The following ARHGEF4 variants were observed in gnomAD, a reference collection of about 807,000 sequenced individuals.
ARHGEF4 encodes Rho guanine nucleotide exchange factor 4, also known as APC-stimulated guanine nucleotide exchange factor 1.
A neutral mutation model predicts 162.0 loss-of-function variants in ARHGEF4; 119 were observed. The ratio of observed to expected loss-of-function variants is 0.73; its 90% CI spans 0.63 to 0.86. The LOEUF (loss-of-function observed/expected upper bound fraction) is 0.86. Ranked by LOEUF, ARHGEF4 falls within the 40% of genes least tolerant of loss-of-function variation. The pLI, the probability that ARHGEF4 is intolerant of heterozygous loss-of-function variation, is 0.00. For missense variants in ARHGEF4, 2,488 were observed against 2,456.0 expected (o/e 1.01, Z -0.28); for synonymous variants, 1,014 against 979.9 (o/e 1.03, Z -0.65).
intron 1 of ARHGEF4, among the ~76,000 whole-genome samples, chr2:130,851,514 C>G (rs980019879): frequency 1.3e-5 from 2 of 152,242 alleles, no homozygotes; most frequent in Non-Finnish European, 2.9e-5. Context: ...GCCTGCCCTT[C>G]GCCCACCGTG....
intron 4 of ARHGEF4, among the ~76,000 whole-genome samples, chr2:130,979,753 A>AAC (rs1162248930): frequency 1.3e-5 from 2 of 150,164 alleles, no homozygotes; most frequent in African/African-American, 2.5e-5. Context: ...AAAAAAAAAA[A>AAC]AAACCTGAAA....
chr2:130,987,759 C>G (rs1360607206), intron 4 of ARHGEF4, among the ~76,000 whole-genome samples: 11 of 152,176 alleles, frequency 7.2e-5, no homozygotes, highest in Admixed American at 7.2e-4. Flanking sequence ...TGAGCTAGGC[C>G]AAGGCCAGGG....
At chr2:130,846,832 T>G (rs272107) in intron 1 of ARHGEF4, among the ~76,000 whole-genome samples, 23,929 of 151,650 alleles carry the variant, frequency 0.16, 2,523 homozygotes, top group African/African-American at 0.29. Context: ...GTCCGGAGAG[T>G]CTTGTTCTTC....
At chr2:130,848,179 G>A (rs1353074553) in intron 1 of ARHGEF4, among the ~76,000 whole-genome samples, 2 of 152,166 alleles carry the variant, frequency 1.3e-5, no homozygotes, top group East Asian at 1.9e-4. Context: ...GAGGCTTCCC[G>A]ACCTCAGAGG....
intron 4 of ARHGEF4, among the ~76,000 whole-genome samples, chr2:130,994,709 T>G (rs1355626650): frequency 6.6e-6 from 1 of 152,242 alleles, no homozygotes; most frequent in East Asian, 1.9e-4. Context: ...CCTAGTGTTT[T>G]CCTTAAGGAG....
At chr2:130,971,399 G>C (rs1471652224) in intron 4 of ARHGEF4, among the ~76,000 whole-genome samples, 16 of 152,086 alleles carry the variant, frequency 1.1e-4, no homozygotes, top group Non-Finnish European at 1.5e-5. Context: ...AGTGGCTCAC[G>C]CCTGTAATCC....
rs1017816063 is a variant in ARHGEF4, at chr2:130,891,088, G to A, written c.40-22898G>A. ...CCACAGCACACAATGTAGACAAGAGGCAGACTCATTGATTGTGGAACAGGA... is the reference window on the plus strand; with the variant it reads ...CCACAGCACACAATGTAGACAAGAGACAGACTCATTGATTGTGGAACAGGA... On this transcript the variant is annotated intron_variant, in intron 1 of 13. Coordinates refer to ENST00000409359, the MANE Select transcript of ARHGEF4 (RefSeq NM_001367493.1). 5.3e-5 allele frequency among the ~76,000 whole-genome samples: 8 copies of A among 152,280 alleles called. No individual in the cohort carries two copies. The South Asian group carries it at 1.0e-3, about 20-fold the overall frequency.
Position 130,899,807 on chromosome 2 carries a change from G to GGGAGA in ARHGEF4, c.40-14178_40-14174dup, listed in dbSNP as rs1680385061. ...GGGGTGGGAGGGCGATGGGTTACAA[G>GGGAGA]GGAGACCCAAGGGCTTGGCTTGGAT... is the stretch of plus-strand genomic sequence containing the variant. On this transcript the variant is annotated intron_variant, in intron 1 of 13. Transcript: ENST00000409359. Among the ~76,000 whole-genome samples, 10 of 152,318 alleles carry GGGAGA rather than the reference G, an allele frequency of 6.6e-5. No individual in the cohort carries two copies. In the South Asian group the frequency reaches 2.1e-3, roughly 32 times the overall value.
At chr2:131,007,124 T>A (rs1688166381) in intron 4 of ARHGEF4, among the ~76,000 whole-genome samples, 1 of 152,208 alleles carries the variant, frequency 6.6e-6, no homozygotes, top group Admixed American at 6.5e-5. Context: ...TGCTGTGACA[T>A]TAATTTATGG....
chr2:130,841,202 T>TC lies in ARHGEF4; in HGVS notation c.39+4210_39+4211insC, dbSNP rs1391153910. On this transcript the variant is annotated intron_variant, in intron 1 of 13. Coordinates refer to ENST00000409359, the MANE Select transcript of ARHGEF4 (RefSeq NM_001367493.1). ...ACCTCAGCCTCCCAACTAGGTGGGA[T>TC]TACAGGCACGCACCACCATGCCTGA... Among the ~76,000 whole-genome samples, 506 of 152,042 alleles carry TC rather than the reference T, an allele frequency of 3.3e-3. 4 individuals carry two copies. The highest frequency in any genetic ancestry group is 0.012 in the African/African-American group (488 of 41,470).
At chr2:130,842,461 C>T (rs1353108017) in intron 1 of ARHGEF4, among the ~76,000 whole-genome samples, 2 of 152,156 alleles carry the variant, frequency 1.3e-5, no homozygotes, top group African/African-American at 4.8e-5. Flanking sequence ...GGTAGAGAGG[C>T]CCTGTGAGGA....
At chr2:130,847,139 C>G (rs1473464494) in intron 1 of ARHGEF4, among the ~76,000 whole-genome samples, 2 of 152,218 alleles carry the variant, frequency 1.3e-5, no homozygotes, top group African/African-American at 4.8e-5. Flanking sequence ...CCAGCCTTGC[C>G]CCTGCCGGAC....
chr2:130,985,094 C>G (rs989725746), intron 4 of ARHGEF4, among the ~76,000 whole-genome samples: 10 of 152,112 alleles, frequency 6.6e-5, no homozygotes, highest in African/African-American at 2.2e-4. Context: ...AGGAGCAGAT[C>G]CTGCTATATG....
In ARHGEF4 at chr2:130,853,900, A is replaced by T. The variant is rs1469619557; in HGVS notation, c.39+16908A>T. ...GCTTAGTTAGCCTTGAAGGATGGAC[A>T]GTCATACCTACAGGCTAGTCTCAGC... On this transcript the variant is annotated intron_variant, in intron 1 of 13. Transcript: ENST00000409359. 3.3e-5 allele frequency among the ~76,000 whole-genome samples: 5 copies of T among 152,186 alleles called. No individual in the cohort carries two copies. In the East Asian group the frequency reaches 9.6e-4, roughly 29 times the overall value.
chr2:131,012,589 G>A (rs1209233522), intron 4 of ARHGEF4, among the ~76,000 whole-genome samples: 2 of 151,856 alleles, frequency 1.3e-5, no homozygotes, highest in Non-Finnish European at 2.9e-5. Context: ...GGGGGGTGGG[G>A]GAGGGGTGTG....
intron 4 of ARHGEF4, among the ~76,000 whole-genome samples, chr2:130,991,568 A>C (rs920597775): frequency 1.3e-5 from 2 of 152,204 alleles, no homozygotes; most frequent in Non-Finnish European, 2.9e-5. Context: ...GGCCCCGGGC[A>C]ATGAGGGAAT....
chr2:130,999,161 T>G (rs1197909371), intron 4 of ARHGEF4, among the ~76,000 whole-genome samples: 2 of 130,398 alleles, frequency 1.5e-5, no homozygotes, highest in African/African-American at 5.5e-5. Context: ...TTGTTTTTTC[T>G]TTTTTTTTTT....
At chr2:130,944,247 A>G (rs1683479279) in intron 3 of ARHGEF4, among the ~76,000 whole-genome samples, 1 of 152,048 alleles carries the variant, frequency 6.6e-6, no homozygotes, top group Non-Finnish European at 1.5e-5. Context: ...GTCTCTAGGC[A>G]TTGATTTCCT....
At chr2:130,971,379 A>G (rs746522768) in intron 4 of ARHGEF4, among the ~76,000 whole-genome samples, 3 of 152,086 alleles carry the variant, frequency 2.0e-5, no homozygotes, top group Admixed American at 2.0e-4. Flanking sequence ...TGTCAATATC[A>G]GTTAGGTGCA....
Sources: gnomAD v4.1 joint callset for allele counts (sites outside exome capture counted in the v4.1 genomes callset) on GRCh38, gnomAD v4.1.1 for gene constraint, MANE v1.5 for transcripts, NCBI Gene and HGNC (gene_info 2026-07-23, HGNC 2026-07-21) for gene names.